The following PTPRT variants were observed in gnomAD, a reference collection of about 807,000 sequenced individuals.
The protein encoded by PTPRT is protein tyrosine phosphatase receptor type T.
PTPRT carries 56 observed loss-of-function variants against 176.8 expected under a neutral mutation model. The observed-to-expected ratio is 0.32, with a 90% confidence interval of 0.26 to 0.40. The LOEUF (loss-of-function observed/expected upper bound fraction) is 0.40. PTPRT is among the 10% of genes least tolerant of loss of function. The pLI is 1.00. For synonymous variants in PTPRT, 783 were observed against 739.0 expected, an observed-to-expected ratio of 1.06 and a Z score of -0.96; for missense variants, 1,540 against 1,908.2, an observed-to-expected ratio of 0.81 and a Z score of 3.60.
At chr20:42,933,717 C>T (rs1043080580) in intron 1 of PTPRT, among the ~76,000 whole-genome samples, 2 of 152,218 alleles carry the variant, frequency 1.3e-5, no homozygotes, top group African/African-American at 4.8e-5. Flanking sequence ...AGCAAGGTTC[C>T]TGTCAAAGCA....
In PTPRT at chr20:42,616,839, C is replaced by T. The variant is rs1231587099; in HGVS notation, c.1153+61027G>A. 2.9e-5 allele frequency among the ~76,000 whole-genome samples: 4 copies of T among 136,924 alleles called. No individual in the cohort carries two copies. In the East Asian group the frequency reaches 7.9e-4, roughly 27 times the overall value. 89.8% of individuals were successfully genotyped at this position (136,924 alleles called of 152,430 possible). ...CTTAACAGCTTAAGGAGATTTTGGGCTGAGACAATGGGGTTTTCTAGATAT... is the reference window on the plus strand; with the variant it reads ...CTTAACAGCTTAAGGAGATTTTGGGTTGAGACAATGGGGTTTTCTAGATAT... On this transcript the variant is annotated intron_variant, in intron 7 of 30. Coordinates refer to ENST00000373187, the MANE Select transcript of PTPRT (RefSeq NM_007050.6).
intron 9 of PTPRT, among the ~76,000 whole-genome samples, chr20:42,432,484 G>A (rs745846428): frequency 5.9e-5 from 9 of 152,142 alleles, no homozygotes; most frequent in Admixed American, 1.3e-4. Flanking sequence ...CCTGAAAACC[G>A]GAATTCTTGG....
At chr20:42,230,296 G>A (rs2056107300) in intron 15 of PTPRT, among the ~76,000 whole-genome samples, 1 of 152,196 alleles carries the variant, frequency 6.6e-6, no homozygotes, top group South Asian at 2.1e-4. Context: ...ATTTGTCCAA[G>A]GCTAAGTGAA....
At chr20:42,363,600 G>A (rs953337948) in intron 9 of PTPRT, among the ~76,000 whole-genome samples, 3 of 151,780 alleles carry the variant, frequency 2.0e-5, no homozygotes, top group African/African-American at 4.8e-5. Flanking sequence ...ATGAGTCACC[G>A]TGCCCGGCCT....
intron 7 of PTPRT, among the ~76,000 whole-genome samples, chr20:42,626,483 T>C (rs1341248056): frequency 6.6e-6 from 1 of 152,200 alleles, no homozygotes; most frequent in Non-Finnish European, 1.5e-5. Context: ...GGGAACTGTT[T>C]TGCAAGCGTA....
intron 13 of PTPRT, among the ~76,000 whole-genome samples, chr20:42,260,327 G>A (rs552997929): frequency 1.8e-4 from 28 of 152,312 alleles, no homozygotes; most frequent in Non-Finnish European, 3.7e-4. Flanking sequence ...TCTCAGTGCT[G>A]ACAGTACTGG....
At chr20:43,148,697 G>T (rs2014248719) in intron 1 of PTPRT, among the ~76,000 whole-genome samples, 1 of 152,194 alleles carries the variant, frequency 6.6e-6, no homozygotes, top group African/African-American at 2.4e-5. Context: ...TAAAGAATAT[G>T]TGGGTTGATT....
intron 1 of PTPRT, among the ~76,000 whole-genome samples, chr20:42,991,715 TTTATG>T (rs1356695946): frequency 7.2e-5 from 11 of 152,208 alleles, no homozygotes; most frequent in African/African-American, 1.2e-4. Flanking sequence ...AATGGTAAGT[TTTATG>T]TTATGTCTAT....
At chr20:42,707,041 T>A (rs1406720525) in intron 6 of PTPRT, among the ~76,000 whole-genome samples, 1 of 152,118 alleles carries the variant, frequency 6.6e-6, no homozygotes, top group Non-Finnish European at 1.5e-5. Flanking sequence ...CCAGGCAACC[T>A]CCAAAAGCCA....
chr20:42,350,572 G>A, intron 11 of PTPRT, 56 bp downstream of exon 11: 2 of 1,339,596 alleles, frequency 1.5e-6, no homozygotes, highest in Non-Finnish European at 1.1e-6. Context: ...TCAACTGGAG[G>A]CCCATGTGGC....
chr20:43,015,003 A>T (rs1413716058), intron 1 of PTPRT, among the ~76,000 whole-genome samples: 1 of 152,208 alleles, frequency 6.6e-6, no homozygotes, highest in Non-Finnish European at 1.5e-5. Flanking sequence ...TGTCCTGTTC[A>T]GTGAGGGACC....
At chr20:42,093,782 C>T (rs1250073831) in intron 27 of PTPRT, among the ~76,000 whole-genome samples, 6 of 152,334 alleles carry the variant, frequency 3.9e-5, no homozygotes, top group South Asian at 2.1e-4. Flanking sequence ...CAGATGCTGA[C>T]GCCGCTTCAA....
chr20:42,114,660 T>C (rs1003164044), intron 22 of PTPRT, among the ~76,000 whole-genome samples: 1 of 152,104 alleles, frequency 6.6e-6, no homozygotes, highest in Non-Finnish European at 1.5e-5. Flanking sequence ...GCCAGTACCA[T>C]CCTAACCCTT....
intron 7 of PTPRT, among the ~76,000 whole-genome samples, chr20:42,508,765 T>C (rs1393972474): frequency 6.6e-6 from 1 of 151,626 alleles, no homozygotes; most frequent in African/African-American, 2.4e-5. Context: ...AGGTGAGCTA[T>C]TATTACTGTT....
At chr20:43,059,563 C>T (rs1389615243) in intron 1 of PTPRT, among the ~76,000 whole-genome samples, 1 of 152,298 alleles carries the variant, frequency 6.6e-6, no homozygotes, top group Middle Eastern at 3.4e-3. Flanking sequence ...AGCAGAATGG[C>T]CTTTACCATC....
downstream of PTPRT, among the ~76,000 whole-genome samples, chr20:42,069,471 T>A (rs937885092): frequency 6.6e-6 from 1 of 152,232 alleles, no homozygotes; most frequent in Non-Finnish European, 1.5e-5. Flanking sequence ...TCCAGGTATA[T>A]GGCAGGTCTT....
chr20:43,063,860 T>A (rs1987569374), intron 1 of PTPRT, among the ~76,000 whole-genome samples: 1 of 152,204 alleles, frequency 6.6e-6, no homozygotes, highest in Admixed American at 6.5e-5. Context: ...TGAAACCAAG[T>A]TCATCAGTTG....
chr20:43,113,357 G>A (rs1162910316), intron 1 of PTPRT, among the ~76,000 whole-genome samples: 3 of 152,168 alleles, frequency 2.0e-5, no homozygotes, highest in African/African-American at 7.2e-5. Context: ...TCTGATGAAG[G>A]ATTTTAATAA....
chr20:43,107,981 G>A (rs549406631), intron 1 of PTPRT, among the ~76,000 whole-genome samples: 1 of 152,328 alleles, frequency 6.6e-6, no homozygotes, highest in East Asian at 1.9e-4. Context: ...AGGGAAAGCT[G>A]AAGAAATGGG....
Sources: allele counts gnomAD v4.1 joint callset (sites outside exome capture counted in the v4.1 genomes callset), GRCh38; gene constraint gnomAD v4.1.1; transcripts MANE v1.5; gene names NCBI Gene and HGNC (gene_info 2026-07-23, HGNC 2026-07-21).